The following SAMSN1 variants were observed in gnomAD, a reference collection of about 807,000 sequenced individuals.
SAMSN1 encodes SAM domain-containing protein SAMSN-1.
In SAMSN1, 31 loss-of-function variants were observed where a neutral mutation model predicts 42.0. That is an observed-to-expected ratio of 0.74 (90% CI 0.55 to 1.00). SAMSN1 has a LOEUF of 1.00. Among genes scored for constraint, SAMSN1 ranks in the 50% least tolerant of loss-of-function variants. SAMSN1 has a pLI of 0.00. For synonymous variants in SAMSN1, 178 were observed against 151.9 expected (o/e 1.17, Z -1.26); for missense variants, 464 against 439.4 (o/e 1.06, Z -0.50).
intron 5 of SAMSN1, among the ~76,000 whole-genome samples, chr21:14,507,280 T>C (rs957146773): frequency 6.6e-6 from 1 of 152,222 alleles, no homozygotes; most frequent in African/African-American, 2.4e-5. Context: ...TATGATCATT[T>C]ACTTAGAAAA....
At chr21:14,620,573 AT>A (rs1254852362) in intron 2 of SAMSN1, among the ~76,000 whole-genome samples, 3 of 152,214 alleles carry the variant, frequency 2.0e-5, no homozygotes, top group Non-Finnish European at 4.4e-5. Flanking sequence ...AATGTGTGAT[AT>A]TTTAAGGTAG....
At chr21:14,570,518 G>GTGTAATTGTATCACTTCTCTGC (rs1981265994) in intron 2 of SAMSN1, among the ~76,000 whole-genome samples, 1 of 152,154 alleles carries the variant, frequency 6.6e-6, no homozygotes, top group African/African-American at 2.4e-5. Flanking sequence ...ATGTGCAGTC[G>GTGTAATTGTATCACTTCTCTGC]TGTCATTGTA....
chr21:14,563,101 C>T (rs1215356920), intron 2 of SAMSN1, among the ~76,000 whole-genome samples: 1 of 152,076 alleles, frequency 6.6e-6, no homozygotes, highest in African/African-American at 2.4e-5. Context: ...CTGAAATGAC[C>T]AGATTCACTA....
chr21:14,570,525 T>C (rs1981266311), intron 2 of SAMSN1, among the ~76,000 whole-genome samples: 1 of 152,202 alleles, frequency 6.6e-6, no homozygotes, highest in African/African-American at 2.4e-5. Context: ...GTCGTGTCAT[T>C]GTATCACTTC....
intron 5 of SAMSN1, among the ~76,000 whole-genome samples, chr21:14,609,034 T>C (rs1982634567): frequency 6.6e-6 from 1 of 152,118 alleles, no homozygotes; most frequent in Non-Finnish European, 1.5e-5. Context: ...AATTTTTACA[T>C]TATAAAATGA....
At chr21:14,609,340 A>C in intron 5 of SAMSN1, 1 of 613,654 alleles carries the variant, frequency 1.6e-6, no homozygotes, top group Non-Finnish European at 2.9e-6. Flanking sequence ...TGCATATTCT[A>C]TTCTATCTTA....
At chr21:14,580,992 T>C (rs1981693406) in intron 2 of SAMSN1, among the ~76,000 whole-genome samples, 1 of 152,198 alleles carries the variant, frequency 6.6e-6, no homozygotes, top group Non-Finnish European at 1.5e-5. Flanking sequence ...AGATTTATAA[T>C]ATTTGACTTT....
intron 2 of SAMSN1, among the ~76,000 whole-genome samples, chr21:14,569,872 A>G (rs2178935): frequency 0.036 from 5,472 of 152,270 alleles, 305 homozygotes; most frequent in African/African-American, 0.12. Flanking sequence ...ACCAAAAACA[A>G]CGAATCTAAA....
At chr21:14,551,609 A>G (rs1980598795) in intron 2 of SAMSN1, among the ~76,000 whole-genome samples, 1 of 152,122 alleles carries the variant, frequency 6.6e-6, no homozygotes, top group Admixed American at 6.6e-5. Flanking sequence ...ATAACAAATA[A>G]TGATAAAATT....
intron 7 of SAMSN1, among the ~76,000 whole-genome samples, chr21:14,591,723 G>C (rs575926763): frequency 6.6e-6 from 1 of 152,078 alleles, no homozygotes; most frequent in Admixed American, 6.6e-5. Context: ...TATAATTTAG[G>C]TTATCTAACA....
exon 6 of SAMSN1, chr21:14,602,041 T>C (rs1484016129): frequency 8.7e-6 from 6 of 690,360 alleles, no homozygotes; most frequent in African/African-American, 1.8e-5. Flanking sequence ...AAGTTCCTTG[T>C]AGAGTTTTTC....
At chr21:14,596,347 T>C (rs528869756) in intron 6 of SAMSN1, among the ~76,000 whole-genome samples, 12 of 152,276 alleles carry the variant, frequency 7.9e-5, no homozygotes, top group African/African-American at 2.4e-4. Flanking sequence ...CAAAATAAGT[T>C]ATAATCCTGC....
chr21:14,533,162 C>T (rs1483091235), intron 1 of SAMSN1, among the ~76,000 whole-genome samples: 2 of 152,096 alleles, frequency 1.3e-5, no homozygotes, highest in Admixed American at 6.5e-5. Context: ...AGCAATCCTC[C>T]CACTTCAGCC....
At chr21:14,554,908 G>C (rs142575001) in intron 2 of SAMSN1, among the ~76,000 whole-genome samples, 1 of 151,844 alleles carries the variant, frequency 6.6e-6, no homozygotes, top group African/African-American at 2.4e-5. Flanking sequence ...GTCTTCCCAG[G>C]CTGGTCTTGA....
intron 4 of SAMSN1, among the ~76,000 whole-genome samples, chr21:14,511,262 G>A (rs1207245827): frequency 1.3e-5 from 2 of 152,304 alleles, no homozygotes; most frequent in African/African-American, 4.8e-5. Context: ...CAGATGAGTT[G>A]CATCTAATCA....
At chr21:14,609,984 C>T (rs1057332419) in intron 4 of SAMSN1, among the ~76,000 whole-genome samples, 18 of 152,176 alleles carry the variant, frequency 1.2e-4, no homozygotes, top group African/African-American at 2.9e-4. Flanking sequence ...GGATGTATGT[C>T]GCCTCAGAAC....
At chr21:14,629,168 T>A (rs1983258053) in intron 2 of SAMSN1, among the ~76,000 whole-genome samples, 1 of 152,198 alleles carries the variant, frequency 6.6e-6, no homozygotes, top group Non-Finnish European at 1.5e-5. Context: ...TAATACCACA[T>A]GTCACTACTA....
chr21:14,632,414 G>C (rs1396224890), intron 2 of SAMSN1, among the ~76,000 whole-genome samples: 1 of 151,826 alleles, frequency 6.6e-6, no homozygotes, highest in African/African-American at 2.4e-5. Context: ...TCCCGTATTA[G>C]TTATGTATTG....
At chr21:14,557,148 A>G (rs1331035089) in intron 2 of SAMSN1, among the ~76,000 whole-genome samples, 9 of 152,146 alleles carry the variant, frequency 5.9e-5, no homozygotes, top group African/African-American at 1.9e-4. Context: ...CGTTCTACCC[A>G]TCCACGGAGA....
Sources: gnomAD v4.1 joint callset for allele counts (sites outside exome capture counted in the v4.1 genomes callset) on GRCh38, gnomAD v4.1.1 for gene constraint, MANE v1.5 for transcripts, NCBI Gene and HGNC (gene_info 2026-07-23, HGNC 2026-07-21) for gene names.